The following LCORL variants were observed in gnomAD, a reference collection of about 807,000 sequenced individuals.
The protein encoded by LCORL is ligand-dependent nuclear receptor corepressor-like protein.
LCORL carries 41 observed loss-of-function variants against 141.8 expected under a neutral mutation model. That is an observed-to-expected ratio of 0.29 (90% CI 0.23 to 0.38). The LOEUF is 0.38. Ranked by LOEUF, LCORL falls within the 10% of genes least tolerant of loss-of-function variation. The pLI, the probability that LCORL is intolerant of heterozygous loss-of-function variation, is 1.00. For synonymous variants in LCORL, 618 were observed against 694.1 expected, an observed-to-expected ratio of 0.89 and a Z score of 1.72; for missense variants, 1,759 against 2,035.0, an observed-to-expected ratio of 0.86 and a Z score of 2.61.
intron 1 of LCORL, among the ~76,000 whole-genome samples, chr4:17,982,603 C>T (rs1274392438): frequency 2.6e-5 from 4 of 152,100 alleles, no homozygotes; most frequent in African/African-American, 7.2e-5. Flanking sequence ...ATGTCCTTTG[C>T]CCGCTTTTTA....
At chr4:17,843,059 G>T in exon 8 of LCORL, 1 of 287,530 alleles carries the variant, frequency 3.5e-6, no homozygotes, top group Non-Finnish European at 6.6e-6. Flanking sequence ...TTTTTTTCCT[G>T]TATAACACCA....
chr4:17,923,112 G>A (rs1734561671), intron 4 of LCORL, among the ~76,000 whole-genome samples: 2 of 152,140 alleles, frequency 1.3e-5, no homozygotes, highest in African/African-American at 2.4e-5. Context: ...GATGAGGTGT[G>A]CTACACTCCA....
chr4:18,018,705 G>A (rs887388212), intron 1 of LCORL, among the ~76,000 whole-genome samples: 2 of 152,086 alleles, frequency 1.3e-5, no homozygotes, highest in African/African-American at 2.4e-5. Flanking sequence ...AATCTCATTA[G>A]GGGCTCAATA....
At chr4:17,961,970 G>A in exon 4 of LCORL, 3 of 1,608,432 alleles carry the variant, frequency 1.9e-6, no homozygotes, top group African/African-American at 1.3e-5. Context: ...TGTTGGACTG[G>A]CCCTGAGATG....
chr4:17,918,241 G>A (rs368773567), intron 4 of LCORL, among the ~76,000 whole-genome samples: 1 of 152,070 alleles, frequency 6.6e-6, no homozygotes, highest in East Asian at 1.9e-4. Context: ...TGGGGTGGAG[G>A]ATAATCTGAT....
rs550004180 is a variant in LCORL, at chr4:17,933,100, T to C, written c.431-23755A>G. Among the ~76,000 whole-genome samples the C allele has an allele frequency of 2.0e-5, 3 of 149,550 alleles. No individual in the cohort carries two copies. In the South Asian group the frequency reaches 6.2e-4, roughly 31 times the overall value. On this transcript the variant is annotated intron_variant, in intron 4 of 7. Coordinates refer to ENST00000635767, the Ensembl canonical transcript of LCORL. The stretch of plus-strand genomic sequence containing the variant: ...TATTTTTGTCTTGAGGTCCATTGGG[T>C]TTTTCCTTTTTTAAAATTATCATAC...
At chr4:17,891,354 CA>C (rs1034025581) in intron 5 of LCORL, among the ~76,000 whole-genome samples, 2 of 151,676 alleles carry the variant, frequency 1.3e-5, no homozygotes, top group Non-Finnish European at 2.9e-5. Context: ...TTAAAAAACA[CA>C]AAAACAAAAA....
At chr4:18,001,185 A>G (rs1339668036) in intron 1 of LCORL, among the ~76,000 whole-genome samples, 1 of 152,218 alleles carries the variant, frequency 6.6e-6, no homozygotes, top group Non-Finnish European at 1.5e-5. Context: ...ACAAACAAAC[A>G]AAAACCAAAA....
Position 18,021,836 on chromosome 4 carries a change from A to AGC in LCORL, c.-87_-86dup, listed in dbSNP as rs1725677325. ...CGCGAGCCCTCGGCGCGAGCCCCGG[A>AGC]GCGCGCGCCCCCCGGAGGGGGGTTG... On this transcript the variant is annotated 5_prime_UTR_variant, in exon 1 of 8. Transcript: ENST00000635767. The surrounding 1 kb of genome is among the most constrained non-coding windows in gnomAD (Gnocchi z 5.5). The AGC allele has an allele frequency of 1.4e-6, 2 of 1,384,922 alleles. No homozygotes were observed. Among genetic ancestry groups the AGC allele is most frequent in the Admixed American group, 3.5e-5 (1 of 28,862 alleles). The allele number at this position is 1,384,922 out of a possible 1,614,324, so 85.8% of individuals were successfully genotyped here.
intron 1 of LCORL, among the ~76,000 whole-genome samples, chr4:17,994,550 G>GATTA (rs753195654): frequency 6.6e-6 from 1 of 152,148 alleles, no homozygotes; most frequent in Admixed American, 6.5e-5. Flanking sequence ...CTTTAGACTA[G>GATTA]ATTAATTGTT....
chr4:17,853,399 T>G (rs1384193445), intron 7 of LCORL, among the ~76,000 whole-genome samples: 1 of 152,112 alleles, frequency 6.6e-6, no homozygotes, highest in Non-Finnish European at 1.5e-5. Flanking sequence ...CTCATGGCAT[T>G]AACTAAATAA....
At chr4:17,991,902 G>T (rs1396392714) in intron 1 of LCORL, among the ~76,000 whole-genome samples, 1 of 152,110 alleles carries the variant, frequency 6.6e-6, no homozygotes, top group East Asian at 1.9e-4. Flanking sequence ...TCACAGAGAG[G>T]TGTATCTGAA....
chr4:17,997,086 T>C (rs1313754526), intron 1 of LCORL, among the ~76,000 whole-genome samples: 1 of 152,182 alleles, frequency 6.6e-6, no homozygotes, highest in Non-Finnish European at 1.5e-5. Context: ...TCTCTGTTCA[T>C]CTGTCAAGTG....
At chr4:17,933,099 G>C (rs1736306925) in intron 4 of LCORL, among the ~76,000 whole-genome samples, 1 of 150,352 alleles carries the variant, frequency 6.7e-6, no homozygotes, top group Admixed American at 6.6e-5. Flanking sequence ...GGTCCATTGG[G>C]TTTTTCCTTT....
intron 7 of LCORL, among the ~76,000 whole-genome samples, chr4:17,847,501 T>C (rs1723072409): frequency 6.6e-6 from 1 of 152,226 alleles, no homozygotes; most frequent in South Asian, 2.1e-4. Context: ...TTTCAATTTG[T>C]ATAAATAGAT....
chr4:17,938,562 A>G (rs1737286601), intron 4 of LCORL, among the ~76,000 whole-genome samples: 1 of 151,118 alleles, frequency 6.6e-6, no homozygotes, highest in South Asian at 2.1e-4. Context: ...GATTACAGGC[A>G]TGCACCACCA....
rs915375136 is a variant in LCORL, at chr4:17,876,287, G to A, written c.2703C>T (p.Ser901=). The change falls in exon 7 of 8, where the codon TCC becomes TCT. Residue 901 remains serine (S), a synonymous_variant. Transcript: ENST00000635767. Reference sequence around the variant, plus strand: ...TGCAGTGACTATTGATAATATTGCCGGATGCTACCACAGATTTTGATAAGC... The same window carrying A: ...TGCAGTGACTATTGATAATATTGCCAGATGCTACCACAGATTTTGATAAGC... 10 of 1,230,746 alleles carry A rather than the reference G, an allele frequency of 8.1e-6. No individual in the cohort carries two copies. The Admixed American group carries it at 1.3e-4, about 16-fold the overall frequency. 76.2% of individuals were successfully genotyped at this position (1,230,746 alleles called of 1,614,324 possible). A position where few individuals can be genotyped will look rare whatever the true frequency, so the allele number is the denominator to read the frequency against.
intron 7 of LCORL, among the ~76,000 whole-genome samples, chr4:17,866,224 TA>T (rs899412016): frequency 5.3e-5 from 8 of 152,210 alleles, no homozygotes; most frequent in African/African-American, 1.9e-4. Context: ...CCACTTGGCC[TA>T]GTTAATTCCT....
chr4:17,918,065 T>C (rs954186969), intron 4 of LCORL, among the ~76,000 whole-genome samples: 1 of 152,240 alleles, frequency 6.6e-6, no homozygotes, highest in Non-Finnish European at 1.5e-5. Flanking sequence ...CTTACGATTG[T>C]AGACGTATGA....
Sources: allele counts gnomAD v4.1 joint callset (sites outside exome capture counted in the v4.1 genomes callset), GRCh38; gene constraint gnomAD v4.1.1; non-coding constraint Gnocchi (gnomAD v3.1); transcripts MANE v1.5; gene names NCBI Gene and HGNC (gene_info 2026-07-23, HGNC 2026-07-21).